SLC28A3: variants seen among roughly 807,000 people sequenced by gnomAD.
SLC28A3 encodes solute carrier family 28 member 3.
Under a neutral mutation model 84.2 loss-of-function variants are expected in SLC28A3, and 68 were observed. The observed-to-expected ratio is 0.81, with a 90% CI of 0.66 to 0.99. The LOEUF (loss-of-function observed/expected upper bound fraction) is 0.99, where lower values mean the gene tolerates loss of function less well. SLC28A3 is among the 50% of genes least tolerant of loss of function. The pLI is 0.00. For missense variants in SLC28A3, 712 were observed against 841.5 expected (o/e 0.85, Z 1.90); for synonymous variants, 267 against 303.6 (o/e 0.88, Z 1.25).
chr9:84,357,809 T>G, the SLC28A3 span, among the ~76,000 whole-genome samples: 1 of 152,142 alleles, frequency 6.6e-6, no homozygotes. Context: ...GGCCGTGAGA[T>G]AACCCAATCC....
intron 13 of SLC28A3, 143 bp from the exon 14 acceptor site, chr9:84,285,685 G>A (rs560748617): frequency 1.3e-3 from 1,246 of 973,028 alleles, no homozygotes; most frequent in Non-Finnish European, 1.7e-3. Context: ...TACCCATCAG[G>A]AATCAGGGCT....
chr9:84,317,414 T>C (rs1367946868), intron 1 of SLC28A3, among the ~76,000 whole-genome samples: 2 of 152,212 alleles, frequency 1.3e-5, no homozygotes, highest in Admixed American at 1.3e-4. Context: ...AATAGTGGTC[T>C]TCCTGCCCTG....
intron 4 of SLC28A3, among the ~76,000 whole-genome samples, chr9:84,304,979 G>A (rs150585118): frequency 1.3e-5 from 2 of 152,108 alleles, no homozygotes; most frequent in Admixed American, 6.5e-5. Context: ...CTGAGATGGC[G>A]CCATTGCACT....
intron 1 of SLC28A3, among the ~76,000 whole-genome samples, chr9:84,323,486 A>G (rs759539765): frequency 1.3e-5 from 2 of 148,584 alleles, no homozygotes; most frequent in Admixed American, 6.8e-5. Context: ...GTGCAGTGGC[A>G]TGATCTCGGC....
At chr9:84,347,874 A>G in the SLC28A3 span, among the ~76,000 whole-genome samples, 1 of 152,216 alleles carries the variant, frequency 6.6e-6, no homozygotes, top group Non-Finnish European at 1.5e-5. Context: ...AAAGGTACAC[A>G]AAGGAAGAAA....
At chr9:84,308,204 A>G (rs1001229204) in intron 3 of SLC28A3, among the ~76,000 whole-genome samples, 1 of 152,126 alleles carries the variant, frequency 6.6e-6, no homozygotes, top group Admixed American at 6.6e-5. Flanking sequence ...AGATCTCATG[A>G]CAGGGCCTTG....
intron 3 of SLC28A3, among the ~76,000 whole-genome samples, chr9:84,309,322 AG>A (rs1344955288): frequency 6.6e-6 from 1 of 152,036 alleles, no homozygotes; most frequent in Non-Finnish European, 1.5e-5. Context: ...CAGGAGTTCG[AG>A]ACCAGCCTGG....
upstream of SLC28A3, among the ~76,000 whole-genome samples, chr9:84,341,274 A>G (rs1284377289): frequency 1.3e-5 from 2 of 152,062 alleles, no homozygotes; most frequent in African/African-American, 4.8e-5. Flanking sequence ...CCCAGCCAGA[A>G]AAGGACACGT....
chr9:84,298,442 G>A (rs12344512), intron 6 of SLC28A3, among the ~76,000 whole-genome samples: 2,438 of 152,210 alleles, frequency 0.016, 72 homozygotes, highest in African/African-American at 0.056. Context: ...AGCTGAGATC[G>A]CGCCACTTCA....
chr9:84,283,853 A>C (rs150814019), intron 14 of SLC28A3, among the ~76,000 whole-genome samples: 182 of 152,266 alleles, frequency 1.2e-3, no homozygotes, highest in African/African-American at 4.2e-3. Context: ...GCCCTTCTCC[A>C]CTTCTAGGTT....
intron 5 of SLC28A3, among the ~76,000 whole-genome samples, chr9:84,300,070 G>A (rs1214889831): frequency 6.6e-6 from 1 of 152,152 alleles, no homozygotes; most frequent in Non-Finnish European, 1.5e-5. Context: ...GGGATTACAG[G>A]TGCGAGCCAC....
the SLC28A3 span, among the ~76,000 whole-genome samples, chr9:84,356,012 T>A: frequency 2.6e-5 from 4 of 151,236 alleles, no homozygotes; most frequent in Non-Finnish European, 5.9e-5. Flanking sequence ...GAGATGGGGG[T>A]TTCACCATAT....
chr9:84,303,271 C>T (rs925790645), intron 4 of SLC28A3, among the ~76,000 whole-genome samples: 1 of 152,182 alleles, frequency 6.6e-6, no homozygotes, highest in Non-Finnish European at 1.5e-5. Context: ...ATTTCTCTAT[C>T]GCCTTTAGCC....
intron 1 of SLC28A3, among the ~76,000 whole-genome samples, chr9:84,327,407 C>T (rs570647650): frequency 2.0e-5 from 3 of 149,204 alleles, no homozygotes; most frequent in East Asian, 2.0e-4. Flanking sequence ...GAATGCTTTT[C>T]AAATAAAATG....
chr9:84,285,388 T>C lies in SLC28A3; in HGVS notation c.1604A>G (p.Glu535Gly), dbSNP rs1337872597. ...ACCGTTTACAAATTTGGGTCCACCTTCTTTCCTCAAGTGGATCCATTTTGA... is the reference window on the plus strand; with the variant it reads ...ACCGTTTACAAATTTGGGTCCACCTCCTTTCCTCAAGTGGATCCATTTTGA... Reference protein sequence around the residue: ...HLSKWIHLRKEGGPKFVNGVQ... With the variant: ...HLSKWIHLRKGGGPKFVNGVQ... Residue 535 changes from glutamate to glycine, a missense_variant, in exon 14 of 18, where the codon GAA becomes GGA. Coordinates refer to ENST00000376238, the MANE Select transcript of SLC28A3 (RefSeq NM_001199633.2). 2.5e-6 allele frequency: 4 copies of C among 1,613,960 alleles called. No individual in the cohort carries two copies. The African/African-American group carries it at 5.3e-5, about 22-fold the overall frequency.
intron 3 of SLC28A3, among the ~76,000 whole-genome samples, chr9:84,307,517 A>C (rs1258290948): frequency 6.6e-6 from 1 of 152,220 alleles, no homozygotes; most frequent in Non-Finnish European, 1.5e-5. Flanking sequence ...CATAAGAACA[A>C]TAGGTATCAC....
the SLC28A3 span, among the ~76,000 whole-genome samples, chr9:84,368,623 C>A: frequency 5.3e-5 from 8 of 152,048 alleles, no homozygotes; most frequent in Non-Finnish European, 1.0e-4. Context: ...CACAACTCTG[C>A]CCAGTGCCCT....
chr9:84,347,267 GCAACATACCT>G, the SLC28A3 span, among the ~76,000 whole-genome samples: 5 of 149,848 alleles, frequency 3.3e-5, no homozygotes, highest in African/African-American at 9.8e-5. Flanking sequence ...GTTGAATGCT[GCAACATACCT>G]TTAAGATACT....
chr9:84,319,677 C>A (rs991814486), intron 1 of SLC28A3, among the ~76,000 whole-genome samples: 2 of 152,122 alleles, frequency 1.3e-5, no homozygotes, highest in African/African-American at 4.8e-5. Context: ...CAAACTGGCT[C>A]TAGTTTCCCG....
Sources: allele counts gnomAD v4.1 joint callset (sites outside exome capture counted in the v4.1 genomes callset), GRCh38; gene constraint gnomAD v4.1.1; transcripts MANE v1.5; gene names NCBI Gene and HGNC (gene_info 2026-07-23, HGNC 2026-07-21).